Variants in CALU observed in about 807,000 individuals in gnomAD.
The protein encoded by CALU is calumenin, also known as IEF SSP 9302.
CALU carries 13 observed loss-of-function variants against 37.5 expected under a neutral mutation model. The observed-to-expected ratio is 0.35, with a 90% confidence interval of 0.23 to 0.55. CALU has a LOEUF of 0.55. Ranked by LOEUF, CALU falls within the 20% of genes least tolerant of loss-of-function variation. CALU has a pLI of 0.89. For synonymous variants in CALU, 114 were observed against 133.8 expected (o/e 0.85, Z 1.02); for missense variants, 282 against 391.7 (o/e 0.72, Z 2.36).
At chr7:128,748,383 T>A (rs1200517696) in intron 1 of CALU, 190 bp from the exon 2 acceptor site, 2 of 1,489,378 alleles carry the variant, frequency 1.3e-6, no homozygotes, top group Non-Finnish European at 9.0e-7. Flanking sequence ...AATTTCTCAC[T>A]GTAATAATTG....
chr7:128,748,816 C>T lies in CALU; in HGVS notation c.221+12C>T. On this transcript the variant is annotated intron_variant, in intron 2 of 6. Coordinates refer to ENST00000249364, the MANE Select transcript of CALU (RefSeq NM_001219.5). Reference sequence around the variant, plus strand: ...AAGGAAAGGCTTGGGTAAGGTACCACCTCTCAGGGGTCTAGTGTGGGTAAT... The same window carrying T: ...AAGGAAAGGCTTGGGTAAGGTACCATCTCTCAGGGGTCTAGTGTGGGTAAT... 6.4e-7 allele frequency: 1 copy of T among 1,569,370 alleles called. No homozygotes were observed. The highest frequency in any genetic ancestry group is 1.7e-4 in the Middle Eastern group (1 of 5,986).
At chr7:128,762,507 A>C (rs561712854) in intron 5 of CALU, among the ~76,000 whole-genome samples, 4 of 151,942 alleles carry the variant, frequency 2.6e-5, no homozygotes, top group African/African-American at 9.6e-5. Context: ...ATGAAGAAAC[A>C]AAGTTCTTCG....
chr7:128,769,037 C>T, intron 6 of CALU, 26 bp from the exon 7 acceptor site: 1 of 1,264,196 alleles, frequency 7.9e-7, no homozygotes, highest in East Asian at 2.3e-5. Flanking sequence ...TGTTCTTCTT[C>T]AATTCATTGC....
At chr7:128,758,099 G>A (rs78706361) in intron 3 of CALU, among the ~76,000 whole-genome samples, 22 of 151,186 alleles carry the variant, frequency 1.5e-4, no homozygotes, top group Non-Finnish European at 3.1e-4. Context: ...TCTCATTCTC[G>A]CCATTCCCCC....
chr7:128,760,358 T>C (rs1308871464), intron 5 of CALU, among the ~76,000 whole-genome samples: 1 of 152,180 alleles, frequency 6.6e-6, no homozygotes, highest in Non-Finnish European at 1.5e-5. Flanking sequence ...AAAATATAAA[T>C]GTGAGCCCCA....
At chr7:128,752,748 G>A (rs913308755) in intron 2 of CALU, among the ~76,000 whole-genome samples, 1 of 152,144 alleles carries the variant, frequency 6.6e-6, no homozygotes, top group Admixed American at 6.5e-5. Context: ...GCAGTGGCGC[G>A]ATCTCAACTC....
rs1173050195 is a variant in CALU at position 128,754,291 on chromosome 7, A to G, written c.251A>G (p.Lys84Arg). ...GKIVSKIDGDKDGFVTVDELK... is the reference protein window; with the variant it reads ...GKIVSKIDGDRDGFVTVDELK... Reference sequence around the variant, plus strand: ...ATTGTAAGTAAAATAGATGGCGACAAGGACGGGTTTGTCACTGTGGATGAG... The same window carrying G: ...ATTGTAAGTAAAATAGATGGCGACAGGGACGGGTTTGTCACTGTGGATGAG... Residue 84 changes from lysine (K) to arginine (R), a missense_variant, in exon 3 of 7, where the codon AAG becomes AGG. Lys to Arg is a conservative substitution (Grantham distance 26). Coordinates refer to ENST00000249364, the MANE Select transcript of CALU (RefSeq NM_001219.5). 2 of 1,607,164 alleles carry G rather than the reference A, an allele frequency of 1.2e-6. No homozygotes were observed. The highest frequency in any genetic ancestry group is 8.5e-7 in the Non-Finnish European group (1 of 1,178,188).
chr7:128,768,840 T>TC (rs1326922330), intron 6 of CALU, among the ~76,000 whole-genome samples: 3 of 30,754 alleles, frequency 9.8e-5, no homozygotes, highest in African/African-American at 6.7e-4. Context: ...AGAGCGAAAC[T>TC]CCGTCTCAAA....
rs959037998 is a variant in CALU, at chr7:128,773,194, G to T, written c.*4027G>T. Among the ~76,000 whole-genome samples the T allele has an allele frequency of 2.0e-5, 3 of 152,208 alleles. No homozygotes were observed. The highest frequency in any genetic ancestry group is 2.4e-5 in the African/African-American group (1 of 41,448). On this transcript the variant is annotated 3_prime_UTR_variant, in exon 7 of 7. Coordinates refer to ENST00000249364, the MANE Select transcript of CALU (RefSeq NM_001219.5). ...TGATTTCTGTGCTTCACACATGCTC[G>T]TGCAGGCTAAAAGTTGGAAGGGAAA...
At chr7:128,767,298 ATACC>A (rs1196917847) in intron 5 of CALU, among the ~76,000 whole-genome samples, 154 bp from the exon 6 acceptor site, 2 of 152,214 alleles carry the variant, frequency 1.3e-5, no homozygotes, top group Non-Finnish European at 2.9e-5. Flanking sequence ...CCTCAGGAAA[ATACC>A]TTGCTTTCTA....
intron 3 of CALU, among the ~76,000 whole-genome samples, chr7:128,757,779 A>G (rs1800946544): frequency 6.6e-6 from 1 of 152,152 alleles, no homozygotes; most frequent in Non-Finnish European, 1.5e-5. Flanking sequence ...AGTTAACGCC[A>G]CATTTTTTCA....
intron 5 of CALU, among the ~76,000 whole-genome samples, chr7:128,766,326 T>G (rs1207420140): frequency 6.6e-6 from 1 of 152,154 alleles, no homozygotes. Flanking sequence ...GGTTTTTTTT[T>G]TTAAAGCAAA....
At position 128,770,175 on chromosome 7, in the gene CALU, G is replaced by A. The variant is rs941356360; in HGVS notation, c.*1008G>A. 1 of 152,538 alleles carries A rather than the reference G, an allele frequency of 6.6e-6. No homozygotes were observed. The highest frequency in any genetic ancestry group is 2.1e-4 in the South Asian group (1 of 4,824). 9.4% of individuals were successfully genotyped at this position (152,538 alleles called of 1,614,324 possible). A position where few individuals can be genotyped will look rare whatever the true frequency, so the allele number is the denominator to read the frequency against. Reference sequence around the variant, plus strand: ...TTAACGAAAGAAATGGTCACTGAATGGGAATTCTCTTAAGAAACCCTGAGA... The same window carrying A: ...TTAACGAAAGAAATGGTCACTGAATAGGAATTCTCTTAAGAAACCCTGAGA... On this transcript the variant is annotated 3_prime_UTR_variant, in exon 7 of 7. Coordinates refer to ENST00000249364, the MANE Select transcript of CALU (RefSeq NM_001219.5).
chr7:128,758,632 CAGTG>C (rs1249469231), intron 3 of CALU, among the ~76,000 whole-genome samples: 1 of 152,174 alleles, frequency 6.6e-6, no homozygotes, highest in Non-Finnish European at 1.5e-5. Context: ...TGAAGCATAA[CAGTG>C]AGTTACATAG....
intron 3 of CALU, among the ~76,000 whole-genome samples, chr7:128,758,284 T>C (rs1346013250): frequency 6.6e-6 from 1 of 152,234 alleles, no homozygotes; most frequent in Non-Finnish European, 1.5e-5. Flanking sequence ...TGAATCCAAG[T>C]GTCCATTATG....
intron 2 of CALU, among the ~76,000 whole-genome samples, chr7:128,752,518 G>A (rs1295826889): frequency 1.3e-5 from 2 of 152,056 alleles, no homozygotes; most frequent in East Asian, 1.9e-4. Flanking sequence ...GGCACTATTG[G>A]TAGCCAGTAC....
rs771194418 is a variant in CALU, at chr7:128,767,665, G to A, written c.843+10G>A. 6.2e-7 allele frequency: 1 copy of A among 1,611,070 alleles called. No individual in the cohort carries two copies. The highest frequency in any genetic ancestry group is 1.7e-5 in the Admixed American group (1 of 59,880). On this transcript the variant is annotated intron_variant, in intron 6 of 6. Coordinates refer to ENST00000249364, the MANE Select transcript of CALU (RefSeq NM_001219.5). Reference sequence around the variant, plus strand: ...ATCAGACCAAAACAAGGTAAGTCTGGCGAGGCCCACACGCTCTATCCTTGA... The same window carrying A: ...ATCAGACCAAAACAAGGTAAGTCTGACGAGGCCCACACGCTCTATCCTTGA...
chr7:128,753,592 T>A (rs1344695789), intron 2 of CALU, among the ~76,000 whole-genome samples: 2 of 152,236 alleles, frequency 1.3e-5, no homozygotes, highest in Non-Finnish European at 2.9e-5. Context: ...CTCAGAGTTC[T>A]CTGTTTTCAT....
Position 128,748,779 on chromosome 7 carries a change from C to A in CALU, c.196C>A (p.Pro66Thr), listed in dbSNP as rs141712958. ...EEAKTFDQLT[P>T]EESKERLGKI... ...AGCAAAGACCTTTGATCAGCTGACA[C>A]CAGAAGAGAGCAAGGAAAGGCTTGG... The change falls in exon 2 of 7, where the codon CCA becomes ACA. Residue 66 changes from proline to threonine, a missense_variant. Coordinates refer to ENST00000249364, the MANE Select transcript of CALU (RefSeq NM_001219.5). 13 of 1,613,814 alleles carry A rather than the reference C, an allele frequency of 8.1e-6. No homozygotes were observed. The highest frequency in any genetic ancestry group is 5.0e-5 in the Admixed American group (3 of 59,998).
Sources: allele counts gnomAD v4.1 joint callset (sites outside exome capture counted in the v4.1 genomes callset), GRCh38; gene constraint gnomAD v4.1.1; transcripts MANE v1.5; gene names NCBI Gene and HGNC (gene_info 2026-07-23, HGNC 2026-07-21).